The following TDP1 variants were observed in gnomAD, a reference collection of about 807,000 sequenced individuals.
TDP1 encodes the protein tyrosyl-DNA phosphodiesterase 1, also known as tyr-DNA phosphodiesterase 1.
Under a neutral mutation model 81.5 loss-of-function variants are expected in TDP1, and 64 were observed. The ratio of observed to expected loss-of-function variants is 0.79; its 90% CI spans 0.64 to 0.97. The LOEUF is 0.97. Ranked by LOEUF, TDP1 falls within the 50% of genes least tolerant of loss-of-function variation. The pLI is 0.00. For synonymous variants in TDP1, 256 were observed against 264.3 expected, an observed-to-expected ratio of 0.97 and a Z score of 0.30; for missense variants, 723 against 743.8, an observed-to-expected ratio of 0.97 and a Z score of 0.33.
rs918627239 is a variant in TDP1 at position 89,990,791 on chromosome 14, A to T, written c.1366+1026A>T. Among the ~76,000 whole-genome samples, 39 of 152,212 alleles carry T rather than the reference A, an allele frequency of 2.6e-4. 1 individual carries two copies. The highest frequency in any genetic ancestry group is 9.4e-4 in the African/African-American group (39 of 41,528). Reference sequence around the variant, plus strand: ...CAGGACATGCCCTATTTGATATGTCAGAGATGTTTGGATATAGATCTCTTT... The same window carrying T: ...CAGGACATGCCCTATTTGATATGTCTGAGATGTTTGGATATAGATCTCTTT... On this transcript the variant is annotated intron_variant, in intron 12 of 16. Coordinates refer to ENST00000335725, the MANE Select transcript of TDP1 (RefSeq NM_018319.4).
chr14:89,985,010 A>G, intron 9 of TDP1, 122 bp from the exon 10 acceptor site: 4 of 1,340,534 alleles, frequency 3.0e-6, no homozygotes, highest in Non-Finnish European at 4.1e-6. Flanking sequence ...TCAATTCAAG[A>G]AAATGGATTG....
chr14:90,036,330 T>C (rs1031429266), intron 16 of TDP1, among the ~76,000 whole-genome samples: 8 of 152,202 alleles, frequency 5.3e-5, no homozygotes, highest in Admixed American at 3.3e-4. Context: ...ATATGGACTA[T>C]AGAAAGGCAT....
intron 14 of TDP1, among the ~76,000 whole-genome samples, chr14:90,000,592 T>C (rs1596602656): frequency 6.6e-6 from 1 of 151,988 alleles, no homozygotes; most frequent in Non-Finnish European, 1.5e-5. Flanking sequence ...TCCATGTTGG[T>C]CAGGCTGGTC....
chr14:90,037,283 A>G (rs1887912468), intron 16 of TDP1, among the ~76,000 whole-genome samples: 2 of 152,180 alleles, frequency 1.3e-5, no homozygotes, highest in Non-Finnish European at 2.9e-5. Context: ...TTCTTAGCTT[A>G]TATTCACTTT....
chr14:89,977,304 A>T (rs7142431), intron 7 of TDP1, among the ~76,000 whole-genome samples: 1,971 of 151,060 alleles, frequency 0.013, 51 homozygotes, highest in African/African-American at 0.045. Flanking sequence ...TTAAAAAAAA[A>T]TTTTTTTTTT....
chr14:90,009,163 T>G (rs1002182246), intron 14 of TDP1, among the ~76,000 whole-genome samples: 1 of 152,248 alleles, frequency 6.6e-6, no homozygotes, highest in African/African-American at 2.4e-5. Context: ...CACTGAAGCT[T>G]TAACTATAAA....
intron 16 of TDP1, among the ~76,000 whole-genome samples, chr14:90,033,911 GT>G (rs1260564099): frequency 6.6e-6 from 1 of 152,120 alleles, no homozygotes; most frequent in East Asian, 1.9e-4. Context: ...AAAAAAATTT[GT>G]TTTAAATAGC....
intron 2 of TDP1, among the ~76,000 whole-genome samples, chr14:89,961,478 A>G (rs75530159): frequency 0.056 from 8,563 of 152,286 alleles, 517 homozygotes; most frequent in African/African-American, 0.15. Context: ...CATAGTTTAA[A>G]GGTAGCAGTG....
At chr14:90,026,023 G>T in intron 15 of TDP1, among the ~76,000 whole-genome samples, 1 of 152,196 alleles carries the variant, frequency 6.6e-6, no homozygotes, top group East Asian at 1.9e-4. Flanking sequence ...TCCCTGTGCT[G>T]GTCTCAGCCT....
At chr14:90,012,163 A>G (rs1270335599) in intron 14 of TDP1, among the ~76,000 whole-genome samples, 2 of 152,194 alleles carry the variant, frequency 1.3e-5, no homozygotes, top group Non-Finnish European at 2.9e-5. Context: ...TGGCTTACAC[A>G]TTGTGTTGGG....
At chr14:89,980,747 ATGGCCT>A in intron 8 of TDP1, 115 bp downstream of exon 8, 1 of 859,900 alleles carries the variant, frequency 1.2e-6, no homozygotes, top group Admixed American at 2.2e-5. Context: ...AATAACACAC[ATGGCCT>A]AGAAAAAGAG....
intron 6 of TDP1, among the ~76,000 whole-genome samples, chr14:89,973,337 TAA>T (rs1893874280): frequency 6.6e-6 from 1 of 152,156 alleles, no homozygotes; most frequent in South Asian, 2.1e-4. Flanking sequence ...TGAATGGAAA[TAA>T]AGTCTTTTTC....
chr14:90,033,269 G>C (rs758514557), intron 16 of TDP1, 55 bp downstream of exon 16: 1 of 1,025,764 alleles, frequency 9.7e-7, no homozygotes, highest in South Asian at 1.3e-5. Context: ...AAAACAAACA[G>C]AGCCCAGGAG....
At chr14:89,955,835 G>A (rs1891493821), upstream of TDP1, 1 of 152,464 alleles carries the variant, frequency 6.6e-6, no homozygotes, top group African/African-American at 2.4e-5. Flanking sequence ...TTAGGACCCA[G>A]CGGTGGGCTC....
At chr14:89,989,584 T>A (rs1895958847) in intron 11 of TDP1, 133 bp from the exon 12 acceptor site, 4 of 1,118,396 alleles carry the variant, frequency 3.6e-6, no homozygotes, top group Non-Finnish European at 5.1e-6. Flanking sequence ...AGATGAGAAC[T>A]TTTAAAAATT....
chr14:90,016,101 A>G (rs933650733), intron 14 of TDP1, among the ~76,000 whole-genome samples: 1 of 150,450 alleles, frequency 6.6e-6, no homozygotes, highest in South Asian at 2.1e-4. Context: ...CTGGAGTGCA[A>G]TGGCTCCATC....
chr14:90,043,166 T>G lies in TDP1; in HGVS notation c.*23T>G. The G allele has an allele frequency of 1.2e-6, 2 of 1,614,188 alleles. No homozygotes were observed. The highest frequency in any genetic ancestry group is 1.7e-6 in the Non-Finnish European group (2 of 1,180,014). On this transcript the variant is annotated 3_prime_UTR_variant, in exon 17 of 17. Coordinates refer to ENST00000335725, the MANE Select transcript of TDP1 (RefSeq NM_018319.4). ...TGAGAATCTTGAGGCACTGTGAAAT[T>G]TAAGTGTAAGACATTGAGCCACAAA...
At chr14:90,040,650 A>G (rs559545195) in intron 16 of TDP1, among the ~76,000 whole-genome samples, 2 of 152,378 alleles carry the variant, frequency 1.3e-5, no homozygotes, top group East Asian at 3.9e-4. Context: ...TGTTTTAAAT[A>G]CGTGCATGAA....
intron 8 of TDP1, among the ~76,000 whole-genome samples, chr14:89,980,942 A>T (rs1054164514): frequency 6.6e-5 from 10 of 152,052 alleles, no homozygotes; most frequent in African/African-American, 2.4e-4. Context: ...CATCATATAC[A>T]CTCTACAGCT....
Sources: allele counts gnomAD v4.1 joint callset (sites outside exome capture counted in the v4.1 genomes callset), GRCh38; gene constraint gnomAD v4.1.1; transcripts MANE v1.5; gene names NCBI Gene and HGNC (gene_info 2026-07-23, HGNC 2026-07-21).